EPHA3: variants seen among roughly 807,000 people sequenced by gnomAD.
EPHA3 encodes the protein ephrin type-A receptor 3.
EPHA3 carries 42 observed loss-of-function variants against 107.1 expected under a neutral mutation model. The observed-to-expected ratio is 0.39, with a 90% CI of 0.31 to 0.51. The LOEUF (loss-of-function observed/expected upper bound fraction) is 0.51. Ranked by LOEUF, EPHA3 falls within the 20% of genes least tolerant of loss-of-function variation. The pLI is 0.78. For synonymous variants in EPHA3, 461 were observed against 424.8 expected (o/e 1.09, Z -1.05); for missense variants, 1,183 against 1,211.2 (o/e 0.98, Z 0.35).
intron 3 of EPHA3, among the ~76,000 whole-genome samples, chr3:89,276,330 T>A (rs913973497): frequency 5.3e-5 from 8 of 152,114 alleles, no homozygotes; most frequent in African/African-American, 1.7e-4. Flanking sequence ...CTGTACAGAA[T>A]GAGGATGCCT....
chr3:89,459,788 G>A (rs1261274557), intron 15 of EPHA3, among the ~76,000 whole-genome samples: 1 of 152,108 alleles, frequency 6.6e-6, no homozygotes, highest in Non-Finnish European at 1.5e-5. Context: ...CTTTCAAATT[G>A]CTGAGAATTC....
chr3:89,453,254 A>G lies in EPHA3; in HGVS notation c.2690+2884A>G, dbSNP rs1710030321. ...TACCTATCATAAAAACATTCAAACC[A>G]TTTTCAAAGCTAACTCATGTAATGT... On this transcript the variant is annotated intron_variant, in intron 15 of 16. Transcript: ENST00000336596. Among the ~76,000 whole-genome samples the G allele has an allele frequency of 2.6e-5, 4 of 152,044 alleles. 1 individual carries two copies. The highest frequency in any genetic ancestry group is 6.8e-3 in the Middle Eastern group (2 of 294).
intron 6 of EPHA3, among the ~76,000 whole-genome samples, chr3:89,397,167 T>C (rs1708866764): frequency 6.6e-6 from 1 of 152,238 alleles, no homozygotes; most frequent in African/African-American, 2.4e-5. Context: ...GTCATTTTTT[T>C]CATAGTCTCT....
rs1330718035 is a variant in EPHA3, at chr3:89,352,333, T to A, written c.1306+10243T>A. Among the ~76,000 whole-genome samples the A allele has an allele frequency of 1.3e-5, 2 of 151,294 alleles. 1 individual carries two copies. The highest frequency in any genetic ancestry group is 4.8e-5 in the African/African-American group (2 of 41,376). ...TCCAATAATTATTTTTGTTTTTAAT[T>A]TATTTTTTGGCATTCTGGGACTATA... On this transcript the variant is annotated intron_variant, in intron 5 of 16. Coordinates refer to ENST00000336596, the MANE Select transcript of EPHA3 (RefSeq NM_005233.6).
chr3:89,357,462 T>A (rs563083780), intron 5 of EPHA3, among the ~76,000 whole-genome samples: 1 of 151,234 alleles, frequency 6.6e-6, no homozygotes, highest in African/African-American at 2.4e-5. Flanking sequence ...AAAGAAAATT[T>A]TTGCATCTTT....
intron 2 of EPHA3, among the ~76,000 whole-genome samples, chr3:89,186,806 T>G (rs1381382031): frequency 2.0e-5 from 3 of 152,124 alleles, no homozygotes; most frequent in Non-Finnish European, 4.4e-5. Context: ...AATTCCATTA[T>G]GTAGAAATAT....
At chr3:89,417,015 A>T (rs1166152679) in intron 10 of EPHA3, among the ~76,000 whole-genome samples, 1 of 151,504 alleles carries the variant, frequency 6.6e-6, no homozygotes, top group East Asian at 1.9e-4. Context: ...TTTGATTTAA[A>T]CAGAAACTCT....
chr3:89,203,576 ATCCTGGCTAGCACGGTGAAACCCCG>A lies in EPHA3; in HGVS notation c.154-6281_154-6257del, dbSNP rs574452863. Among the ~76,000 whole-genome samples the A allele has an allele frequency of 2.4e-3, 361 of 151,742 alleles. 1 individual carries two copies. In the Middle Eastern group the frequency reaches 0.027, roughly 11 times the overall value. ...ATCACGCGGTCAGGAGATCGAGACCATCCTGGCTAGCACGGTGAAACCCCGTCTCTACTAAAAAAAAATACAAAAA... is the reference window on the plus strand; with the variant it reads ...ATCACGCGGTCAGGAGATCGAGACCATCTCTACTAAAAAAAAATACAAAAA... On this transcript the variant is annotated intron_variant, in intron 2 of 16. Coordinates refer to ENST00000336596, the MANE Select transcript of EPHA3 (RefSeq NM_005233.6).
intron 2 of EPHA3, among the ~76,000 whole-genome samples, chr3:89,154,898 A>G (rs1312723551): frequency 6.8e-6 from 1 of 147,914 alleles, no homozygotes; most frequent in Non-Finnish European, 1.5e-5. Context: ...TATATTATAT[A>G]ATTATAATTA....
intron 2 of EPHA3, among the ~76,000 whole-genome samples, chr3:89,146,366 A>G (rs1472048354): frequency 6.6e-6 from 1 of 151,844 alleles, no homozygotes; most frequent in Non-Finnish European, 1.5e-5. Context: ...GCCAAAAAAA[A>G]GTCATAAAGT....
At chr3:89,352,669 C>T (rs958912184) in intron 5 of EPHA3, among the ~76,000 whole-genome samples, 10 of 150,750 alleles carry the variant, frequency 6.6e-5, no homozygotes, top group South Asian at 2.1e-4. Context: ...TTTGGGAGGC[C>T]GAAGCGGGTG....
At chr3:89,305,806 G>T (rs773182628) in intron 3 of EPHA3, among the ~76,000 whole-genome samples, 1 of 152,032 alleles carries the variant, frequency 6.6e-6, no homozygotes, top group Non-Finnish European at 1.5e-5. Flanking sequence ...ATAATACAGA[G>T]AATAAAATTT....
chr3:89,360,425 T>C (rs1315897003), intron 5 of EPHA3, among the ~76,000 whole-genome samples: 3 of 150,976 alleles, frequency 2.0e-5, no homozygotes, highest in African/African-American at 7.3e-5. Context: ...GGCAATTGCT[T>C]ATAAGGATCA....
At chr3:89,457,169 G>C (rs1473462187) in intron 15 of EPHA3, among the ~76,000 whole-genome samples, 5 of 152,274 alleles carry the variant, frequency 3.3e-5, no homozygotes. Flanking sequence ...GAACACTACA[G>C]AAAAGGGAAG....
At chr3:89,453,673 GT>G (rs900170228) in intron 15 of EPHA3, among the ~76,000 whole-genome samples, 11 of 152,152 alleles carry the variant, frequency 7.2e-5, no homozygotes, top group South Asian at 2.1e-4. Flanking sequence ...ATGTCAAGAA[GT>G]TTTTTTCTCT....
rs146736653 is a variant in EPHA3, at chr3:89,364,338, C to T, written c.1306+22248C>T. Among the ~76,000 whole-genome samples, 734 of 151,038 alleles carry T rather than the reference C, an allele frequency of 4.9e-3. 19 individuals carry two copies. Among genetic ancestry groups the T allele is most frequent in the African/African-American group, 0.016 (681 of 41,430 alleles). On this transcript the variant is annotated intron_variant, in intron 5 of 16. Transcript: ENST00000336596. ...GGCCTTTCAGAACACCAGTATTTAC[C>T]TACTCCAAGCCAATCCTACAGATGC... is the stretch of plus-strand genomic sequence containing the variant.
At chr3:89,228,462 GAATGAATATGGAGAAGCAT>G (rs1704552102) in intron 3 of EPHA3, among the ~76,000 whole-genome samples, 1 of 151,840 alleles carries the variant, frequency 6.6e-6, no homozygotes, top group African/African-American at 2.4e-5. Flanking sequence ...ACGTGTTAGG[GAATGAATATGGAGAAGCAT>G]AATGACAATG....
chr3:89,399,287 T>A, intron 6 of EPHA3, 31 bp from the exon 7 acceptor site: 1 of 1,579,778 alleles, frequency 6.3e-7, no homozygotes, highest in African/African-American at 1.3e-5. Context: ...AGATTTGATT[T>A]TAACATGAAT....
chr3:89,367,991 C>T (rs1454367391), intron 5 of EPHA3, among the ~76,000 whole-genome samples: 3 of 150,612 alleles, frequency 2.0e-5, no homozygotes, highest in East Asian at 3.9e-4. Context: ...TCCTTGAGGG[C>T]GTGACCAAGG....
Sources: gnomAD v4.1 joint callset for allele counts (sites outside exome capture counted in the v4.1 genomes callset) on GRCh38, gnomAD v4.1.1 for gene constraint, MANE v1.5 for transcripts, NCBI Gene and HGNC (gene_info 2026-07-23, HGNC 2026-07-21) for gene names.